The following PTPRC variants were observed in gnomAD, a reference collection of about 807,000 sequenced individuals.
The protein encoded by PTPRC is protein tyrosine phosphatase receptor type C, also known as receptor-type tyrosine-protein phosphatase C.
Under a neutral mutation model 155.9 loss-of-function variants are expected in PTPRC, and 44 were observed. That is an observed-to-expected ratio of 0.28 (90% confidence interval 0.22 to 0.36). The LOEUF (loss-of-function observed/expected upper bound fraction) is 0.36, where lower values mean the gene tolerates loss of function less well. Among genes scored for constraint, PTPRC ranks in the 10% least tolerant of loss-of-function variants. The pLI is 1.00. For synonymous variants in PTPRC, 525 were observed against 533.1 expected, an observed-to-expected ratio of 0.98 and a Z score of 0.21; for missense variants, 1,401 against 1,564.6, an observed-to-expected ratio of 0.90 and a Z score of 1.76.
At chr1:198,700,140 G>T in intron 5 of PTPRC, 1 of 188,034 alleles carries the variant, frequency 5.3e-6, no homozygotes, top group Non-Finnish European at 1.1e-5. Flanking sequence ...GTTATTTAAA[G>T]AATGAGAAAA....
intron 23 of PTPRC, 80 bp from the exon 24 acceptor site, chr1:198,741,789 T>A: frequency 4.3e-6 from 6 of 1,385,072 alleles, no homozygotes; most frequent in Non-Finnish European, 4.0e-6. Flanking sequence ...GACTTTGTAC[T>A]GGTACTCCCT....
At chr1:198,727,468 G>T (rs556997523) in intron 15 of PTPRC, among the ~76,000 whole-genome samples, 1 of 151,954 alleles carries the variant, frequency 6.6e-6, no homozygotes, top group Non-Finnish European at 1.5e-5. Flanking sequence ...TTTTTTTTGT[G>T]AATAGTGAAT....
intron 29 of PTPRC, among the ~76,000 whole-genome samples, chr1:198,750,946 A>T (rs925736278): frequency 3.9e-5 from 6 of 151,960 alleles, no homozygotes; most frequent in Admixed American, 1.3e-4. Context: ...AAAAGCCAAG[A>T]TCTTTTTGTG....
chr1:198,669,479 T>C (rs1480420810), intron 2 of PTPRC, among the ~76,000 whole-genome samples: 1 of 152,192 alleles, frequency 6.6e-6, no homozygotes, highest in Non-Finnish European at 1.5e-5. Flanking sequence ...AAAAAATGTA[T>C]TATTAGATTT....
chr1:198,694,251 C>A, intron 3 of PTPRC: 1 of 1,202,694 alleles, frequency 8.3e-7, no homozygotes, highest in East Asian at 3.2e-5. Context: ...GCTCACTTCT[C>A]CTACCTTCTT....
At chr1:198,716,624 G>A (rs776602666) in intron 12 of PTPRC, 58 bp from the exon 13 acceptor site, 107 of 1,453,692 alleles carry the variant, frequency 7.4e-5, no homozygotes, top group Non-Finnish European at 1.0e-4. Flanking sequence ...AATTAATTAG[G>A]TACGTGGTAG....
intron 2 of PTPRC, among the ~76,000 whole-genome samples, chr1:198,673,181 G>A (rs1180829732): frequency 6.6e-6 from 1 of 151,862 alleles, no homozygotes; most frequent in East Asian, 1.9e-4. Context: ...TTATTTTGGG[G>A]AAGTCTTCCA....
At chr1:198,690,130 G>A (rs1665851305) in intron 2 of PTPRC, among the ~76,000 whole-genome samples, 2 of 152,160 alleles carry the variant, frequency 1.3e-5, no homozygotes, top group Admixed American at 6.5e-5. Flanking sequence ...GAAGAGATAT[G>A]TGTTGTATAA....
At chr1:198,719,616 TG>T (rs1450558742) in intron 14 of PTPRC, among the ~76,000 whole-genome samples, 1 of 152,140 alleles carries the variant, frequency 6.6e-6, no homozygotes, top group Non-Finnish European at 1.5e-5. Flanking sequence ...GTTTTGTTGT[TG>T]TTTTTTGTTT....
intron 14 of PTPRC, among the ~76,000 whole-genome samples, chr1:198,720,425 G>T (rs1412571840): frequency 6.6e-6 from 1 of 152,052 alleles, no homozygotes; most frequent in Admixed American, 6.6e-5. Context: ...CGCCTCCCAG[G>T]TTCAAGCGAT....
chr1:198,669,657 A>C (rs1287028988), intron 2 of PTPRC, among the ~76,000 whole-genome samples: 1 of 152,092 alleles, frequency 6.6e-6, no homozygotes, highest in South Asian at 2.1e-4. Context: ...CCAGAATCTA[A>C]TCCAGACCTC....
rs552074506 is a variant in PTPRC, at chr1:198,715,517, G to A, written c.1292-1165G>A. ...TCTTGGTAATTGGGGAATTGGGGAA[G>A]AGATCTTTTGTGCTTTATTGGATTT... On this transcript the variant is annotated intron_variant, in intron 12 of 32. Transcript: ENST00000442510. 2.6e-5 allele frequency among the ~76,000 whole-genome samples: 4 copies of A among 152,264 alleles called. No homozygotes were observed. The East Asian group carries it at 7.7e-4, about 29-fold the overall frequency.
intron 2 of PTPRC, among the ~76,000 whole-genome samples, chr1:198,658,851 C>A (rs920968249): frequency 2.0e-5 from 3 of 151,926 alleles, no homozygotes; most frequent in African/African-American, 7.3e-5. Context: ...ATCCAGCTAA[C>A]CCTTACCTTT....
chr1:198,702,634 G>C, intron 6 of PTPRC, 104 bp downstream of exon 6: 1 of 1,496,840 alleles, frequency 6.7e-7, no homozygotes, highest in Non-Finnish European at 9.3e-7. Flanking sequence ...TTATTTGTAG[G>C]TTTCCCATTT....
intron 2 of PTPRC, among the ~76,000 whole-genome samples, chr1:198,684,380 T>C (rs1013831125): frequency 6.6e-6 from 1 of 151,828 alleles, no homozygotes; most frequent in Non-Finnish European, 1.5e-5. Context: ...CCATAAGTCA[T>C]TGGGAGACAG....
At chr1:198,730,534 T>TTGA (rs1654338747) in intron 17 of PTPRC, among the ~76,000 whole-genome samples, 1 of 152,160 alleles carries the variant, frequency 6.6e-6, no homozygotes, top group African/African-American at 2.4e-5. Flanking sequence ...AGGATTCATT[T>TTGA]TGATAGGCTG....
intron 3 of PTPRC, chr1:198,694,532 G>A (rs10494783): frequency 0.062 from 61,879 of 992,166 alleles, 2,655 homozygotes; most frequent in East Asian, 0.32. Context: ...CACATCTAAT[G>A]AAAGAGTGAG....
At chr1:198,671,200 C>G (rs1410903637) in intron 2 of PTPRC, among the ~76,000 whole-genome samples, 1 of 152,054 alleles carries the variant, frequency 6.6e-6, no homozygotes, top group Non-Finnish European at 1.5e-5. Context: ...CTTGTTCTCC[C>G]AGCACACCAC....
At chr1:198,736,050 T>C (rs1654622435) in intron 23 of PTPRC, among the ~76,000 whole-genome samples, 1 of 151,520 alleles carries the variant, frequency 6.6e-6, no homozygotes, top group African/African-American at 2.4e-5. Context: ...TTATTTTTAA[T>C]TTTTTGGGGT....
Sources: allele counts gnomAD v4.1 joint callset (sites outside exome capture counted in the v4.1 genomes callset), GRCh38; gene constraint gnomAD v4.1.1; transcripts MANE v1.5; gene names NCBI Gene and HGNC (gene_info 2026-07-23, HGNC 2026-07-21).